The following ZNF804B variants were observed in gnomAD, a reference collection of about 807,000 sequenced individuals.
The protein encoded by ZNF804B is zinc finger protein 804B.
A neutral mutation model predicts 101.4 loss-of-function variants in ZNF804B; 80 were observed. The ratio of observed to expected loss-of-function variants is 0.79; its 90% CI spans 0.66 to 0.95. ZNF804B has a LOEUF of 0.95. Ranked by LOEUF, ZNF804B falls within the 40% of genes least tolerant of loss-of-function variation. The probability of loss-of-function intolerance (pLI) is 0.00; values close to 1 mark genes in which losing one functional copy is unlikely to be tolerated. For missense variants in ZNF804B, 1,673 were observed against 1,561.9 expected, an observed-to-expected ratio of 1.07 and a Z score of -1.20; for synonymous variants, 622 against 558.8, an observed-to-expected ratio of 1.11 and a Z score of -1.59.
intron 1 of ZNF804B, among the ~76,000 whole-genome samples, chr7:89,066,920 T>C (rs1448574845): frequency 6.6e-6 from 1 of 152,112 alleles, no homozygotes; most frequent in African/African-American, 2.4e-5. Flanking sequence ...GTGATGTTTG[T>C]GGTATTTGTC....
intron 2 of ZNF804B, among the ~76,000 whole-genome samples, chr7:89,296,141 A>G (rs529394319): frequency 6.6e-6 from 1 of 152,244 alleles, no homozygotes; most frequent in Admixed American, 6.5e-5. Context: ...CCTAAAAGCT[A>G]TTGAAACAAA....
chr7:88,872,590 G>C (rs1791846791), intron 1 of ZNF804B, among the ~76,000 whole-genome samples: 1 of 151,788 alleles, frequency 6.6e-6, no homozygotes, highest in Admixed American at 6.6e-5. Context: ...TCTAGCATTA[G>C]GTATATCTCC....
chr7:88,909,371 C>T (rs1792516347), intron 1 of ZNF804B, among the ~76,000 whole-genome samples: 2 of 151,720 alleles, frequency 1.3e-5, no homozygotes, highest in African/African-American at 2.4e-5. Context: ...GATGGAAATG[C>T]GTAAGGATGA....
At chr7:88,814,838 T>C (rs1790851730) in intron 1 of ZNF804B, among the ~76,000 whole-genome samples, 1 of 151,906 alleles carries the variant, frequency 6.6e-6, no homozygotes, top group Non-Finnish European at 1.5e-5. Flanking sequence ...TTTTTACTTT[T>C]GTTTCCCCTT....
chr7:89,070,572 G>A (rs1397223827), intron 1 of ZNF804B, among the ~76,000 whole-genome samples: 1 of 152,060 alleles, frequency 6.6e-6, no homozygotes, highest in Non-Finnish European at 1.5e-5. Context: ...TCTGAGGGAT[G>A]GTTTCTTCAT....
At chr7:89,266,877 T>G (rs1208839) in intron 2 of ZNF804B, among the ~76,000 whole-genome samples, 35,888 of 150,830 alleles carry the variant, frequency 0.24, 4,513 homozygotes, top group Non-Finnish European at 0.27. Flanking sequence ...GTGTCTGTGT[T>G]TGTGTGTGTG....
At chr7:89,215,789 C>A (rs1436393420) in intron 1 of ZNF804B, among the ~76,000 whole-genome samples, 1 of 151,672 alleles carries the variant, frequency 6.6e-6, no homozygotes, top group Admixed American at 6.6e-5. Flanking sequence ...GAGGCTGAGG[C>A]AGGAGAATGG....
intron 1 of ZNF804B, among the ~76,000 whole-genome samples, chr7:88,768,839 A>G (rs1292551626): frequency 6.6e-6 from 1 of 152,228 alleles, no homozygotes; most frequent in Non-Finnish European, 1.5e-5. Context: ...GAGGGACAAT[A>G]TTACATGAGG....
intron 1 of ZNF804B, among the ~76,000 whole-genome samples, chr7:88,976,965 G>T (rs1198077739): frequency 6.6e-6 from 1 of 151,570 alleles, no homozygotes; most frequent in Non-Finnish European, 1.5e-5. Flanking sequence ...TTTATCAAAT[G>T]GTTTTTCAGC....
At chr7:88,879,507 T>G (rs1792000771) in intron 1 of ZNF804B, among the ~76,000 whole-genome samples, 1 of 152,160 alleles carries the variant, frequency 6.6e-6, no homozygotes. Flanking sequence ...GGAATTTATG[T>G]GAGAATATGT....
At chr7:89,031,365 C>T (rs1420374276) in intron 1 of ZNF804B, among the ~76,000 whole-genome samples, 2 of 151,982 alleles carry the variant, frequency 1.3e-5, no homozygotes, top group Non-Finnish European at 2.9e-5. Context: ...TGGCAGTCTT[C>T]ACACACTCTT....
At chr7:88,920,744 C>A (rs1392486790) in intron 1 of ZNF804B, among the ~76,000 whole-genome samples, 1 of 151,858 alleles carries the variant, frequency 6.6e-6, no homozygotes, top group African/African-American at 2.4e-5. Context: ...AGTAAAAAAA[C>A]TCATTTTATA....
At chr7:89,280,064 G>C (rs1790063286) in intron 2 of ZNF804B, among the ~76,000 whole-genome samples, 1 of 152,076 alleles carries the variant, frequency 6.6e-6, no homozygotes, top group African/African-American at 2.4e-5. Flanking sequence ...CTATCTCTCA[G>C]ACCACAGTGC....
chr7:89,232,513 T>C (rs898198338), intron 2 of ZNF804B, among the ~76,000 whole-genome samples: 2 of 152,178 alleles, frequency 1.3e-5, no homozygotes, highest in African/African-American at 4.8e-5. Context: ...TTTAATAGAA[T>C]TTACCAGTGA....
intron 1 of ZNF804B, among the ~76,000 whole-genome samples, chr7:89,050,402 T>A (rs1789181526): frequency 6.6e-6 from 1 of 152,170 alleles, no homozygotes; most frequent in Non-Finnish European, 1.5e-5. Context: ...GTCGTACCAT[T>A]TTCAATCAAA....
At chr7:89,202,454 C>T (rs927978746) in intron 1 of ZNF804B, among the ~76,000 whole-genome samples, 1 of 152,042 alleles carries the variant, frequency 6.6e-6, no homozygotes, top group Non-Finnish European at 1.5e-5. Flanking sequence ...TCTGTCTTCT[C>T]TAGGAGATGG....
chr7:88,943,106 A>G (rs1328160222), intron 1 of ZNF804B, among the ~76,000 whole-genome samples: 1 of 151,938 alleles, frequency 6.6e-6, no homozygotes, highest in Non-Finnish European at 1.5e-5. Flanking sequence ...AACAAATTAA[A>G]AAGAGGAAAA....
intron 2 of ZNF804B, among the ~76,000 whole-genome samples, chr7:89,228,641 A>G (rs1789134070): frequency 6.6e-6 from 1 of 152,142 alleles, no homozygotes; most frequent in South Asian, 2.1e-4. Flanking sequence ...TGTATTTACA[A>G]TCCCTGAGCT....
At chr7:89,329,892 AG>A (rs1452941979) in intron 3 of ZNF804B, among the ~76,000 whole-genome samples, 1 of 151,638 alleles carries the variant, frequency 6.6e-6, no homozygotes, top group Non-Finnish European at 1.5e-5. Context: ...GGAACACGAA[AG>A]AATGACACCA....
Sources: allele counts gnomAD v4.1 joint callset (sites outside exome capture counted in the v4.1 genomes callset), GRCh38; gene constraint gnomAD v4.1.1; transcripts MANE v1.5; gene names NCBI Gene and HGNC (gene_info 2026-07-23, HGNC 2026-07-21).